The following ERC1 variants were observed in gnomAD, a reference collection of about 807,000 sequenced individuals.
ERC1 encodes ELKS/RAB6-interacting/CAST family member 1, also known as RAB6 interacting protein 2.
ERC1 carries 56 observed loss-of-function variants against 132.0 expected under a neutral mutation model. The ratio of observed to expected loss-of-function variants is 0.42; its 90% confidence interval spans 0.34 to 0.53. The LOEUF (loss-of-function observed/expected upper bound fraction) is 0.53, where lower values mean the gene tolerates loss of function less well. Ranked by LOEUF, ERC1 falls within the 20% of genes least tolerant of loss-of-function variation. The pLI is 0.03. For missense variants in ERC1, 1,202 were observed against 1,349.9 expected, an observed-to-expected ratio of 0.89 and a Z score of 1.72; for synonymous variants, 478 against 476.1, an observed-to-expected ratio of 1.00 and a Z score of -0.05.
At chr12:1,378,861 C>A (rs549311278) in intron 16 of ERC1, among the ~76,000 whole-genome samples, 50 of 152,142 alleles carry the variant, frequency 3.3e-4, no homozygotes, top group Non-Finnish European at 1.6e-4. Flanking sequence ...CAGATGACAT[C>A]CTGAAATAAA....
chr12:1,434,656 G>A (rs1016180730), intron 17 of ERC1, among the ~76,000 whole-genome samples: 1 of 152,136 alleles, frequency 6.6e-6, no homozygotes, highest in Non-Finnish European at 1.5e-5. Context: ...TCCTGTGTTC[G>A]GAGCAGAGGG....
chr12:1,422,359 C>T (rs1366457202), intron 17 of ERC1, among the ~76,000 whole-genome samples: 5 of 152,088 alleles, frequency 3.3e-5, no homozygotes, highest in South Asian at 2.1e-4. Flanking sequence ...TTCCCCCTAC[C>T]CTTCCTGGCC....
chr12:1,271,635 A>G (rs1031107780), intron 14 of ERC1, among the ~76,000 whole-genome samples: 2 of 152,238 alleles, frequency 1.3e-5, no homozygotes, highest in African/African-American at 4.8e-5. Flanking sequence ...ATTATAGCAC[A>G]CTATGGCCTC....
chr12:1,227,216 A>G (rs1342367692), intron 12 of ERC1, among the ~76,000 whole-genome samples: 1 of 152,214 alleles, frequency 6.6e-6, no homozygotes, highest in Non-Finnish European at 1.5e-5. Context: ...ACCGTTTTCC[A>G]TAATGGCTGT....
intron 1 of ERC1, among the ~76,000 whole-genome samples, chr12:999,738 G>A (rs1220310783): frequency 6.7e-6 from 1 of 149,914 alleles, no homozygotes; most frequent in Non-Finnish European, 1.5e-5. Context: ...TGGGATTATA[G>A]GCGTGCACCA....
rs2154435024 is a variant in ERC1 at position 1,490,173 on chromosome 12, A to G, written c.3294A>G (p.Ala1098=). 6.2e-7 allele frequency: 1 copy of G among 1,614,238 alleles called. No individual in the cohort carries two copies. The highest frequency in any genetic ancestry group is 2.2e-5 in the East Asian group (1 of 44,892). The change falls in exon 19 of 19, where the codon GCA becomes GCG. Residue 1098 remains alanine, a synonymous_variant. Transcript: ENST00000360905. ...EFANAILQQI[A]DHCPDILEQV... ...CCAACGCCATTCTTCAGCAGATAGC[A>G]GACCATTGTCCCGACATCCTAGAGC...
intron 13 of ERC1, among the ~76,000 whole-genome samples, chr12:1,242,646 G>A (rs950167235): frequency 6.6e-5 from 10 of 152,144 alleles, no homozygotes; most frequent in African/African-American, 2.4e-4. Context: ...GAGCATTAAT[G>A]AGATGATACA....
At chr12:1,288,715 C>T (rs2079204809) in intron 14 of ERC1, among the ~76,000 whole-genome samples, 1 of 152,148 alleles carries the variant, frequency 6.6e-6, no homozygotes, top group South Asian at 2.1e-4. Flanking sequence ...ATGGCAAATG[C>T]CCCACCTCTA....
chr12:1,262,355 C>A (rs753283384), intron 13 of ERC1, among the ~76,000 whole-genome samples: 1 of 152,150 alleles, frequency 6.6e-6, no homozygotes, highest in Non-Finnish European at 1.5e-5. Flanking sequence ...TTCACCTCTC[C>A]GGAAGCTGTG....
intron 10 of ERC1, among the ~76,000 whole-genome samples, chr12:1,182,706 G>T (rs796599703): frequency 6.6e-6 from 1 of 151,542 alleles, no homozygotes; most frequent in Admixed American, 6.6e-5. Flanking sequence ...CTGTTGCCCA[G>T]GCTGGAGTGC....
At position 1,028,172 on chromosome 12, in the gene ERC1, C is replaced by A; in HGVS notation, c.269C>A (p.Thr90Lys). ...VGSETPKSTM[T>K]LGRSGGRLPY... ...TCAGAAACACCTAAAAGCACCATGA[C>A]ACTTGGCCGTTCTGGGGGACGTCTG... Residue 90 changes from threonine to lysine, a missense_variant, in exon 2 of 19, where the codon ACA becomes AAA. Transcript: ENST00000360905. 6.2e-7 allele frequency: 1 copy of A among 1,614,188 alleles called. No individual in the cohort carries two copies. The highest frequency in any genetic ancestry group is 8.5e-7 in the Non-Finnish European group (1 of 1,180,040).
At chr12:1,433,997 A>C (rs1592029173) in intron 17 of ERC1, among the ~76,000 whole-genome samples, 1 of 151,736 alleles carries the variant, frequency 6.6e-6, no homozygotes, top group African/African-American at 2.4e-5. Flanking sequence ...AAAAAAAAAA[A>C]AAAGGTGTAC....
chr12:1,055,913 T>G (rs1235449537), intron 2 of ERC1, among the ~76,000 whole-genome samples: 1 of 152,004 alleles, frequency 6.6e-6, no homozygotes. Context: ...GGGAGGCCCA[T>G]GGCGGGAGAA....
At chr12:1,108,731 C>A (rs1056829349) in intron 4 of ERC1, among the ~76,000 whole-genome samples, 2 of 152,048 alleles carry the variant, frequency 1.3e-5, no homozygotes, top group African/African-American at 2.4e-5. Context: ...TAATTCAGTA[C>A]AATGGATTTT....
chr12:1,261,681 G>C (rs747827273), intron 13 of ERC1, among the ~76,000 whole-genome samples: 4 of 152,018 alleles, frequency 2.6e-5, no homozygotes, highest in Non-Finnish European at 4.4e-5. Context: ...GTTTTGTTTT[G>C]TTTTGTTTTG....
chr12:1,440,252 T>G (rs1272311482), intron 17 of ERC1, among the ~76,000 whole-genome samples: 1 of 145,154 alleles, frequency 6.9e-6, no homozygotes. Flanking sequence ...TCGCCCAGGC[T>G]GGAGTGCAGT....
chr12:1,447,558 C>A (rs907086531), intron 18 of ERC1, among the ~76,000 whole-genome samples: 13 of 150,796 alleles, frequency 8.6e-5, no homozygotes, highest in South Asian at 2.1e-4. Context: ...AAAAAAAAAA[C>A]CCAGTGCTTA....
rs978608359 is a variant in ERC1, at chr12:1,416,684, A to C, written c.3024+8437A>C. 8.5e-5 allele frequency among the ~76,000 whole-genome samples: 13 copies of C among 152,334 alleles called. 1 individual carries two copies. Among genetic ancestry groups the C allele is most frequent in the African/African-American group, 1.7e-4 (7 of 41,572 alleles). On this transcript the variant is annotated intron_variant, in intron 17 of 18. Transcript: ENST00000360905. ...TCTAGTTCTGTTGCTTTCAGGTCCT[A>C]GTCAGAAGGTGGGCTTTGGAACCAG...
intron 12 of ERC1, among the ~76,000 whole-genome samples, chr12:1,202,043 A>T (rs1472983261): frequency 6.6e-6 from 1 of 152,218 alleles, no homozygotes; most frequent in Admixed American, 6.5e-5. Flanking sequence ...AGCATATTAC[A>T]ACTGAAGATG....
Sources: allele counts gnomAD v4.1 joint callset (sites outside exome capture counted in the v4.1 genomes callset), GRCh38; gene constraint gnomAD v4.1.1; transcripts MANE v1.5; gene names NCBI Gene and HGNC (gene_info 2026-07-23, HGNC 2026-07-21).